OTC: variants seen among roughly 807,000 people sequenced by gnomAD.
The protein encoded by OTC is ornithine transcarbamylase, mitochondrial.
Under a neutral mutation model 30.3 loss-of-function variants are expected in OTC, and 3 were observed. That is an observed-to-expected ratio of 0.10 (90% CI 0.05 to 0.26). The LOEUF (loss-of-function observed/expected upper bound fraction) is 0.26, where lower values mean the gene tolerates loss of function less well. OTC is among the 10% of genes least tolerant of loss of function. The probability of loss-of-function intolerance (pLI) is 1.00; values close to 1 mark genes in which losing one functional copy is unlikely to be tolerated. For synonymous variants in OTC, 111 were observed against 99.7 expected (o/e 1.11, Z -0.67); for missense variants, 194 against 260.3 (o/e 0.75, Z 1.75).
rs1357096482 is a variant in OTC at position 38,420,977 on chromosome X, G to A, written c.1006-46G>A. 1.4e-5 allele frequency: 14 copies of A among 998,632 alleles called. No homozygotes were observed. In the Admixed American group the frequency reaches 1.5e-4, roughly 11 times the overall value. The allele number at this position is 998,632 out of a possible 1,213,427, so 82.3% of individuals were successfully genotyped here. On this transcript the variant is annotated intron_variant, in intron 9 of 9. Transcript: ENST00000039007. ...CCTTCTCTAGGTCCCTAAGCAGACT[G>A]TCGCTAATGTTTATCCATTTCTTTC...
intron 4 of OTC, among the ~76,000 whole-genome samples, chrX:38,400,108 A>C (rs1388458225): frequency 9.0e-6 from 1 of 111,722 alleles, no homozygotes; most frequent in Non-Finnish European, 1.9e-5. Context: ...AAATTAAATT[A>C]AGGTAGTAAC....
intron 8 of OTC, among the ~76,000 whole-genome samples, chrX:38,410,020 AATG>A (rs1306898849): frequency 9.0e-6 from 1 of 111,162 alleles, no homozygotes; most frequent in Admixed American, 9.5e-5. Flanking sequence ...TTTTTTTGTA[AATG>A]ATATTTTAGA....
chrX:38,355,041 C>T (rs180710155), intron 1 of OTC, among the ~76,000 whole-genome samples: 1 of 111,576 alleles, frequency 9.0e-6, no homozygotes, highest in East Asian at 2.8e-4. Flanking sequence ...TGTAACATAC[C>T]ACGTGAGTTT....
At chrX:38,412,252 G>A (rs994409443) in intron 9 of OTC, among the ~76,000 whole-genome samples, 1 of 111,547 alleles carries the variant, frequency 9.0e-6, no homozygotes, top group Admixed American at 9.5e-5. Flanking sequence ...CCCTTGATCC[G>A]CCTGAGCACC....
intron 4 of OTC, among the ~76,000 whole-genome samples, chrX:38,386,610 C>T (rs1039928512): frequency 2.3e-4 from 26 of 111,004 alleles, no homozygotes; most frequent in Middle Eastern, 4.6e-3. Context: ...CGCGTTCGTT[C>T]GTGATATTGC....
At chrX:38,347,743 C>G (rs979180396), upstream of OTC, among the ~76,000 whole-genome samples, 1 of 111,560 alleles carries the variant, frequency 9.0e-6, no homozygotes, top group African/African-American at 3.3e-5. Context: ...TTCCACAGCA[C>G]CATAATAACT....
the OTC span, among the ~76,000 whole-genome samples, chrX:38,331,334 A>G: frequency 1.0e-5 from 1 of 97,861 alleles, no homozygotes; most frequent in Non-Finnish European, 2.1e-5. Flanking sequence ...GCTCACTGCA[A>G]CCTCTGCCTC....
At chrX:38,407,328 G>A (rs1161097465) in intron 6 of OTC, among the ~76,000 whole-genome samples, 1 of 112,425 alleles carries the variant, frequency 8.9e-6, no homozygotes, top group Non-Finnish European at 1.9e-5. Flanking sequence ...GCTGACAGCT[G>A]AAAGCCGTCT....
chrX:38,407,494 AG>A (rs1396920767), intron 6 of OTC, among the ~76,000 whole-genome samples: 3 of 112,111 alleles, frequency 2.7e-5, no homozygotes, highest in African/African-American at 9.7e-5. Context: ...TGGGAAAATG[AG>A]AAGGATAGAG....
At chrX:38,354,096 T>C (rs2068229636) in intron 1 of OTC, among the ~76,000 whole-genome samples, 1 of 112,348 alleles carries the variant, frequency 8.9e-6, no homozygotes, top group Admixed American at 9.4e-5. Context: ...ATAATACCTG[T>C]TCTGCCTACA....
the OTC span, among the ~76,000 whole-genome samples, chrX:38,332,533 T>TATATATA: frequency 1.2e-5 from 1 of 85,322 alleles, no homozygotes; most frequent in Non-Finnish European, 2.3e-5. Context: ...TATATATATA[T>TATATATA]CATATAACAT....
intron 3 of OTC, among the ~76,000 whole-genome samples, chrX:38,375,862 G>A (rs866016901): frequency 5.0e-5 from 5 of 99,553 alleles, no homozygotes; most frequent in Admixed American, 2.1e-4. Flanking sequence ...TAGATTGAAG[G>A]ATGAGAGGAG....
the OTC span, among the ~76,000 whole-genome samples, chrX:38,327,740 T>C: frequency 8.9e-6 from 1 of 112,859 alleles, no homozygotes; most frequent in African/African-American, 3.2e-5. Flanking sequence ...CCTTGTGCCG[T>C]TGGAGGTCCA....
intron 5 of OTC, among the ~76,000 whole-genome samples, chrX:38,402,159 T>G (rs766336334): frequency 4.5e-5 from 5 of 112,039 alleles, no homozygotes; most frequent in Non-Finnish European, 9.4e-5. Context: ...GAGGTTAAGC[T>G]CAAAATAAAA....
chrX:38,358,390 T>G (rs966212700), intron 1 of OTC, among the ~76,000 whole-genome samples: 3 of 111,359 alleles, frequency 2.7e-5, no homozygotes, highest in African/African-American at 9.8e-5. Flanking sequence ...AGGGGAGGTC[T>G]GTGAGGAGAC....
intron 2 of OTC, among the ~76,000 whole-genome samples, chrX:38,369,180 T>C (rs2068311449): frequency 9.0e-6 from 1 of 111,085 alleles, no homozygotes; most frequent in South Asian, 3.9e-4. Context: ...GGGATTTCAA[T>C]AGAGTTAAGT....
the OTC span, among the ~76,000 whole-genome samples, chrX:38,331,238 G>A: frequency 9.1e-6 from 1 of 110,460 alleles, no homozygotes; most frequent in African/African-American, 3.3e-5. Flanking sequence ...AGCATAACAG[G>A]ATATAAATGT....
intron 9 of OTC, 118 bp downstream of exon 9, chrX:38,412,117 A>G: frequency 1.4e-6 from 1 of 705,717 alleles, no homozygotes. Flanking sequence ...TTGCTCATGT[A>G]ACATCTATTT....
At chrX:38,411,638 C>T (rs1286889658) in intron 8 of OTC, among the ~76,000 whole-genome samples, 3 of 108,482 alleles carry the variant, frequency 2.8e-5, no homozygotes, top group African/African-American at 1.0e-4. Flanking sequence ...TGCACTCCAG[C>T]CTGGGTGACA....
Sources: allele counts gnomAD v4.1 joint callset (sites outside exome capture counted in the v4.1 genomes callset), GRCh38; gene constraint gnomAD v4.1.1; transcripts MANE v1.5; gene names NCBI Gene and HGNC (gene_info 2026-07-23, HGNC 2026-07-21).